Variants in CELF2 observed in about 807,000 individuals in gnomAD.
CELF2 encodes the protein CUG triplet repeat RNA-binding protein 2.
A neutral mutation model predicts 62.6 loss-of-function variants in CELF2; 8 were observed. That is an observed-to-expected ratio of 0.13 (90% CI 0.07 to 0.23). The LOEUF is 0.23. Ranked by LOEUF, CELF2 falls within the 10% of genes least tolerant of loss-of-function variation. The pLI, the probability that CELF2 is intolerant of heterozygous loss-of-function variation, is 1.00. For synonymous variants in CELF2, 258 were observed against 250.0 expected (o/e 1.03, Z -0.30); for missense variants, 333 against 671.0 (o/e 0.50, Z 5.56).
the CELF2 span, among the ~76,000 whole-genome samples, chr10:10,574,038 C>T: frequency 1.3e-5 from 2 of 151,988 alleles, no homozygotes; most frequent in African/African-American, 2.4e-5. Context: ...TCACAGAGGA[C>T]CTCAGAAATT....
Position 11,270,878 on chromosome 10 carries a change from G to T in CELF2, c.777+54G>T. 7.5e-7 allele frequency: 1 copy of T among 1,327,826 alleles called. No individual in the cohort carries two copies. Among genetic ancestry groups the T allele is most frequent in the Non-Finnish European group, 9.8e-7 (1 of 1,025,232 alleles). The allele number at this position is 1,327,826 out of a possible 1,614,324, so 82.3% of individuals were successfully genotyped here. On this transcript the variant is annotated intron_variant, in intron 7 of 12. Transcript: ENST00000633077. The surrounding 1 kb of genome is among the most constrained non-coding windows in gnomAD (Gnocchi z 5.8). ...TTCACCCGCTGAAACTCTGCAAACTGACTTTTCCCCTCCCTACGCTGAGGC... is the reference window on the plus strand; with the variant it reads ...TTCACCCGCTGAAACTCTGCAAACTTACTTTTCCCCTCCCTACGCTGAGGC...
intron 1 of CELF2, among the ~76,000 whole-genome samples, chr10:10,870,535 T>G (rs1456968587): frequency 2.0e-5 from 3 of 152,152 alleles, no homozygotes; most frequent in East Asian, 1.9e-4. Context: ...ACAAAAACTT[T>G]CAGGAAGTCA....
chr10:11,222,310 A>C (rs1469333269), intron 3 of CELF2, among the ~76,000 whole-genome samples: 1 of 152,188 alleles, frequency 6.6e-6, no homozygotes, highest in East Asian at 1.9e-4. Context: ...TCATCATTTT[A>C]TCATTGTCAT....
chr10:10,731,243 AACACACAC>A, the CELF2 span, among the ~76,000 whole-genome samples: 43 of 146,580 alleles, frequency 2.9e-4, no homozygotes, highest in African/African-American at 5.7e-4. Flanking sequence ...TCCTGCAGAA[AACACACAC>A]ACACACACAC....
the CELF2 span, among the ~76,000 whole-genome samples, chr10:10,638,990 T>C: frequency 6.6e-6 from 1 of 152,366 alleles, no homozygotes; most frequent in East Asian, 1.9e-4. Context: ...TCAATCACTA[T>C]CCAGTTGTCA....
chr10:10,573,875 C>A, the CELF2 span, among the ~76,000 whole-genome samples: 5 of 152,062 alleles, frequency 3.3e-5, no homozygotes, highest in Non-Finnish European at 5.9e-5. Context: ...GACCAAGCCC[C>A]TACTTTCCAG....
intron 1 of CELF2, among the ~76,000 whole-genome samples, chr10:10,819,257 A>C (rs1431015931): frequency 6.6e-6 from 1 of 152,182 alleles, no homozygotes; most frequent in Non-Finnish European, 1.5e-5. Flanking sequence ...TATTTTAATT[A>C]AAAAGATAAC....
In CELF2 at chr10:11,039,612, A is replaced by G. The variant is rs2061493371; in HGVS notation, c.74+21449A>G. On this transcript the variant is annotated intron_variant, in intron 1 of 12. Transcript: ENST00000633077. The surrounding 1 kb of genome is among the most constrained non-coding windows in gnomAD (Gnocchi z 4.1). ...GCTTCTAATGCATGTTACTGAAAAC[A>G]AGTTCTTGAGTCACAGTTTAAGGTT... 6.6e-6 allele frequency among the ~76,000 whole-genome samples: 1 copy of G among 152,228 alleles called. No homozygotes were observed.
At chr10:10,968,357 T>C (rs377206557) in intron 2 of CELF2, among the ~76,000 whole-genome samples, 4 of 152,334 alleles carry the variant, frequency 2.6e-5, no homozygotes, top group African/African-American at 9.6e-5. Context: ...TGCGTGATGA[T>C]GTTTAGAATA....
intron 1 of CELF2, among the ~76,000 whole-genome samples, chr10:11,062,466 T>C (rs917429548): frequency 1.3e-5 from 2 of 152,234 alleles, no homozygotes; most frequent in Admixed American, 6.5e-5. Context: ...GAGAAGGTCA[T>C]AGTATCAATA....
chr10:10,493,936 C>T, the CELF2 span, among the ~76,000 whole-genome samples: 1 of 152,150 alleles, frequency 6.6e-6, no homozygotes, highest in South Asian at 2.1e-4. Flanking sequence ...TTTTGCCAAC[C>T]TGCCTCTAAC....
chr10:10,825,686 G>A (rs537737355), intron 1 of CELF2, among the ~76,000 whole-genome samples: 1 of 152,246 alleles, frequency 6.6e-6, no homozygotes, highest in East Asian at 1.9e-4. Flanking sequence ...CGGAGTGTTG[G>A]TGGACTTCTC....
rs2082439843 is a variant in CELF2, at chr10:11,267,373, C to A, written c.618+696C>A. Among the ~76,000 whole-genome samples, 1 of 152,196 alleles carries A rather than the reference C, an allele frequency of 6.6e-6. No individual in the cohort carries two copies. The highest frequency in any genetic ancestry group is 2.1e-4 in the South Asian group (1 of 4,832). ...CACCCACGAACCTAGATAGATGGCT[C>A]TGTACTTTTAGTCTGTGATTTGGGT... On this transcript the variant is annotated intron_variant, in intron 6 of 12. Transcript: ENST00000633077. The surrounding 1 kb of genome is among the most constrained non-coding windows in gnomAD (Gnocchi z 4.4).
intron 1 of CELF2, among the ~76,000 whole-genome samples, chr10:10,799,295 C>A (rs2054399881): frequency 6.7e-6 from 1 of 150,190 alleles, no homozygotes; most frequent in South Asian, 2.1e-4. Flanking sequence ...GCCTGGCCAA[C>A]ATGGCAAAAC....
the CELF2 span, among the ~76,000 whole-genome samples, chr10:10,727,847 A>G: frequency 6.6e-6 from 1 of 152,110 alleles, no homozygotes; most frequent in South Asian, 2.1e-4. Context: ...TATGGTATAC[A>G]GTTACTTTGT....
chr10:10,817,880 G>A (rs146491660), intron 1 of CELF2, among the ~76,000 whole-genome samples: 123 of 152,276 alleles, frequency 8.1e-4, no homozygotes, highest in Non-Finnish European at 1.1e-3. Flanking sequence ...GAGGCCCAGT[G>A]TATAGTAAGA....
intron 9 of CELF2, among the ~76,000 whole-genome samples, chr10:11,313,819 T>C (rs1250972916): frequency 6.6e-6 from 1 of 151,360 alleles, no homozygotes; most frequent in Non-Finnish European, 1.5e-5. Flanking sequence ...CTAAGCAAGA[T>C]ATTATCCAAT....
At chr10:10,654,096 G>A in the CELF2 span, among the ~76,000 whole-genome samples, 44 of 146,864 alleles carry the variant, frequency 3.0e-4, 1 homozygote, top group South Asian at 1.9e-3. Context: ...ACACCTCTAC[G>A]CAAATAAACT....
At chr10:10,705,109 G>C in the CELF2 span, among the ~76,000 whole-genome samples, 2,758 of 152,048 alleles carry the variant, frequency 0.018, 43 homozygotes, top group African/African-American at 0.043. Flanking sequence ...TCGCTTGAGC[G>C]TAGATATGTG....
Sources: allele counts gnomAD v4.1 joint callset (sites outside exome capture counted in the v4.1 genomes callset), GRCh38; gene constraint gnomAD v4.1.1; non-coding constraint Gnocchi (gnomAD v3.1); transcripts MANE v1.5; gene names NCBI Gene and HGNC (gene_info 2026-07-23, HGNC 2026-07-21).